GPR63: variants seen among roughly 807,000 people sequenced by gnomAD.
GPR63 encodes G protein-coupled receptor 63.
In GPR63, 12 loss-of-function variants were observed where a neutral mutation model predicts 23.1. The observed-to-expected ratio is 0.52, with a 90% CI of 0.33 to 0.84. The LOEUF is 0.84. Ranked by LOEUF, GPR63 falls within the 40% of genes least tolerant of loss-of-function variation. The pLI, the probability that GPR63 is intolerant of heterozygous loss-of-function variation, is 0.02. For missense variants in GPR63, 472 were observed against 515.6 expected (o/e 0.92, Z 0.82); for synonymous variants, 172 against 191.1 (o/e 0.90, Z 0.82).
At chr6:96,813,588 G>GA (rs937554077) in intron 1 of GPR63, among the ~76,000 whole-genome samples, 5 of 152,156 alleles carry the variant, frequency 3.3e-5, no homozygotes, top group Non-Finnish European at 5.9e-5. Context: ...GTTTATCCTA[G>GA]AAAAATGTTC....
chr6:96,836,996 G>C (rs1774747769), intron 1 of GPR63, among the ~76,000 whole-genome samples: 1 of 152,030 alleles, frequency 6.6e-6, no homozygotes, highest in Non-Finnish European at 1.5e-5. Context: ...GACGGGCAGG[G>C]GAGGGGGGCG....
At chr6:96,804,617 C>A (rs1773851436) in intron 1 of GPR63, among the ~76,000 whole-genome samples, 1 of 152,080 alleles carries the variant, frequency 6.6e-6, no homozygotes, top group East Asian at 1.9e-4. Context: ...TTCACCACCC[C>A]ATTCCTGTTT....
At chr6:96,802,782 C>CA (rs1424518720) in intron 1 of GPR63, among the ~76,000 whole-genome samples, 2 of 150,148 alleles carry the variant, frequency 1.3e-5, no homozygotes, top group East Asian at 2.0e-4. Context: ...TGTTTTAAGG[C>CA]AAAAAAAGCA....
At chr6:96,821,538 A>T (rs1774312818) in intron 1 of GPR63, among the ~76,000 whole-genome samples, 1 of 152,204 alleles carries the variant, frequency 6.6e-6, no homozygotes, top group Non-Finnish European at 1.5e-5. Flanking sequence ...CAGTGGCAGA[A>T]TTCTATATAA....
At chr6:96,813,535 T>G (rs913348010) in intron 1 of GPR63, among the ~76,000 whole-genome samples, 1 of 152,224 alleles carries the variant, frequency 6.6e-6, no homozygotes, top group Non-Finnish European at 1.5e-5. Flanking sequence ...ATACTTGATA[T>G]GCTTTCAATT....
chr6:96,837,155 C>T (rs1168517871), intron 1 of GPR63, 113 bp downstream of exon 1: 1 of 152,438 alleles, frequency 6.6e-6, no homozygotes, highest in Non-Finnish European at 1.5e-5. Context: ...CCCCGCACTC[C>T]GCCAAACTGC....
Position 96,795,080 on chromosome 6 carries a change from A to G in GPR63, c.*3392T>C, listed in dbSNP as rs1773548461. 1 of 152,226 alleles carries G rather than the reference A, an allele frequency of 6.6e-6. No individual in the cohort carries two copies. Among genetic ancestry groups the G allele is most frequent in the Non-Finnish European group, 1.5e-5 (1 of 68,042 alleles). The allele number at this position is 152,226 out of a possible 1,614,324, so 9.4% of individuals were successfully genotyped here. ...GACTACCTGAGCCAGAGTCAGGCAG[A>G]GTGCTCAATAAAATAAAAATGCACA... On this transcript the variant is annotated 3_prime_UTR_variant, in exon 2 of 2. Transcript: ENST00000229955.
chr6:96,807,223 T>G (rs1331468967), intron 1 of GPR63, among the ~76,000 whole-genome samples: 3 of 152,206 alleles, frequency 2.0e-5, no homozygotes, highest in Admixed American at 2.0e-4. Context: ...CTCTAGTCAC[T>G]CCTGTCCTTC....
intron 1 of GPR63, among the ~76,000 whole-genome samples, chr6:96,827,415 C>A (rs1774471108): frequency 6.6e-6 from 1 of 151,962 alleles, no homozygotes; most frequent in African/African-American, 2.4e-5. Flanking sequence ...GTCTACCAGA[C>A]ATGGAATTGG....
chr6:96,813,735 C>T (rs1252413357), intron 1 of GPR63, among the ~76,000 whole-genome samples: 1 of 152,084 alleles, frequency 6.6e-6, no homozygotes, highest in Non-Finnish European at 1.5e-5. Flanking sequence ...TTGTTGAAGT[C>T]CCCTACATAG....
At chr6:96,820,339 TTAAG>T (rs779082322) in intron 1 of GPR63, among the ~76,000 whole-genome samples, 41 of 152,308 alleles carry the variant, frequency 2.7e-4, no homozygotes, top group African/African-American at 9.4e-4. Context: ...ATGGCAATTG[TTAAG>T]TAAGTGTTAC....
In GPR63 at chr6:96,799,124, C is replaced by T. The variant is rs1239597191; in HGVS notation, c.608G>A (p.Trp203Ter). The change falls in exon 2 of 2, where the codon TGG becomes TAG. Residue 203 changes from tryptophan to a stop codon, truncating the protein, a stop_gained. Coordinates refer to ENST00000229955, the MANE Select transcript of GPR63 (RefSeq NM_030784.4). LOFTEE classifies it high-confidence loss of function. ...AAAAGCTACACAAAAGGAAGTTGCC[C>T]AAGAAACTGCAATCAGAACCTTAGC... ...YRAKVLIAVS[W>*]ATSFCVAFPL... is the part of the protein sequence containing the mutation. 6.2e-7 allele frequency: 1 copy of T among 1,614,098 alleles called. No individual in the cohort carries two copies. Among genetic ancestry groups the T allele is most frequent in the Non-Finnish European group, 8.5e-7 (1 of 1,180,010 alleles).
intron 1 of GPR63, among the ~76,000 whole-genome samples, chr6:96,831,935 A>C (rs1231605062): frequency 6.6e-6 from 1 of 151,808 alleles, no homozygotes; most frequent in African/African-American, 2.4e-5. Context: ...AATAAATAAA[A>C]ATTTTTTAAA....
chr6:96,811,125 C>T (rs1361035994), intron 1 of GPR63, among the ~76,000 whole-genome samples: 3 of 152,182 alleles, frequency 2.0e-5, no homozygotes, highest in Admixed American at 6.5e-5. Context: ...CCACCAGCCC[C>T]GGTCTCAGTC....
intron 1 of GPR63, among the ~76,000 whole-genome samples, chr6:96,801,716 A>G (rs1175137202): frequency 6.6e-6 from 1 of 152,154 alleles, no homozygotes; most frequent in African/African-American, 2.4e-5. Context: ...TATCAACTTT[A>G]CTACTTGCGT....
intron 1 of GPR63, among the ~76,000 whole-genome samples, chr6:96,822,375 A>G (rs1278109992): frequency 6.6e-6 from 1 of 152,162 alleles, no homozygotes; most frequent in Non-Finnish European, 1.5e-5. Context: ...GTTCCGAAAA[A>G]AAGGTTCTAA....
chr6:96,797,302 T>G lies in GPR63; in HGVS notation c.*1170A>C, dbSNP rs1390261128. The G allele has an allele frequency of 6.6e-6, 1 of 152,318 alleles. No individual in the cohort carries two copies. Among genetic ancestry groups the G allele is most frequent in the East Asian group, 1.9e-4 (1 of 5,190 alleles). The allele number at this position is 152,318 out of a possible 1,614,324, so 9.4% of individuals were successfully genotyped here. A position where few individuals can be genotyped will look rare whatever the true frequency, so the allele number is the denominator to read the frequency against. On this transcript the variant is annotated 3_prime_UTR_variant, in exon 2 of 2. Transcript: ENST00000229955. ...AGTGTTTCTGTAATGCTTTCATATT[T>G]CTTTTGGTAGTTAGAAAATAAAGGC...
At position 96,797,795 on chromosome 6, in the gene GPR63, T is replaced by C. The variant is rs1287511236; in HGVS notation, c.*677A>G. 6.6e-6 allele frequency: 1 copy of C among 152,246 alleles called. No individual in the cohort carries two copies. The highest frequency in any genetic ancestry group is 2.4e-5 in the African/African-American group (1 of 41,474). The allele number at this position is 152,246 out of a possible 1,614,324, so 9.4% of individuals were successfully genotyped here. Reference sequence around the variant, plus strand: ...TTGCTATTGTGCTTAGAAAAGTATCTACATTTTATGTTCTCTTTTACAACT... The same window carrying C: ...TTGCTATTGTGCTTAGAAAAGTATCCACATTTTATGTTCTCTTTTACAACT... On this transcript the variant is annotated 3_prime_UTR_variant, in exon 2 of 2. Transcript: ENST00000229955.
At chr6:96,819,752 A>C (rs118089706) in intron 1 of GPR63, among the ~76,000 whole-genome samples, 1 of 151,634 alleles carries the variant, frequency 6.6e-6, no homozygotes, top group South Asian at 2.1e-4. Flanking sequence ...ACAAAAAAAA[A>C]CGGGTAGATC....
Sources: allele counts gnomAD v4.1 joint callset (sites outside exome capture counted in the v4.1 genomes callset), GRCh38; gene constraint gnomAD v4.1.1; transcripts MANE v1.5; gene names NCBI Gene and HGNC (gene_info 2026-07-23, HGNC 2026-07-21).